Variants in PTGER3 observed in about 807,000 individuals in gnomAD.
PTGER3 encodes the protein prostaglandin E receptor 3, also known as prostaglandin E2 receptor EP3 subtype.
PTGER3 carries 22 observed loss-of-function variants against 34.7 expected under a neutral mutation model. The observed-to-expected ratio is 0.63, with a 90% CI of 0.45 to 0.91. The LOEUF (loss-of-function observed/expected upper bound fraction) is 0.91. Among genes scored for constraint, PTGER3 ranks in the 40% least tolerant of loss-of-function variants. PTGER3 has a pLI of 0.00. For synonymous variants in PTGER3, 241 were observed against 230.1 expected (o/e 1.05, Z -0.43); for missense variants, 468 against 519.4 (o/e 0.90, Z 0.96).
At chr1:70,929,022 C>A (rs1183403808) in intron 4 of PTGER3, among the ~76,000 whole-genome samples, 4 of 152,190 alleles carry the variant, frequency 2.6e-5, no homozygotes, top group Non-Finnish European at 5.9e-5. Context: ...TCCTCCAGAT[C>A]AGAGATTTTT....
At chr1:70,945,216 C>T (rs902767650) in intron 4 of PTGER3, among the ~76,000 whole-genome samples, 4 of 152,086 alleles carry the variant, frequency 2.6e-5, no homozygotes, top group Admixed American at 6.6e-5. Flanking sequence ...AACATGGCCT[C>T]TTCAAACTTG....
chr1:70,899,401 G>A (rs1363173360), intron 4 of PTGER3, among the ~76,000 whole-genome samples: 3 of 152,144 alleles, frequency 2.0e-5, no homozygotes, highest in Non-Finnish European at 2.9e-5. Flanking sequence ...CACCCAGACT[G>A]AGTCTCAAAG....
chr1:70,950,387 G>T (rs1650642331), downstream of PTGER3, among the ~76,000 whole-genome samples: 3 of 152,130 alleles, frequency 2.0e-5, no homozygotes, highest in African/African-American at 7.2e-5. Context: ...AAATAATTCA[G>T]GCAACTGATT....
chr1:71,026,872 A>G (rs889619071), intron 1 of PTGER3, among the ~76,000 whole-genome samples: 6 of 152,140 alleles, frequency 3.9e-5, no homozygotes, highest in African/African-American at 1.4e-4. Flanking sequence ...CAAAGTAAAT[A>G]ATAAGAACAA....
downstream of PTGER3, among the ~76,000 whole-genome samples, chr1:70,967,290 C>T (rs1189318507): frequency 6.6e-6 from 1 of 151,928 alleles, no homozygotes; most frequent in African/African-American, 2.4e-5. Flanking sequence ...TCTGGTCCAC[C>T]GAGACTATTC....
chr1:70,977,109 T>G (rs1204690943), intron 2 of PTGER3, among the ~76,000 whole-genome samples: 1 of 152,160 alleles, frequency 6.6e-6, no homozygotes, highest in Non-Finnish European at 1.5e-5. Context: ...TTTAACTGCG[T>G]ATTTGGAGGG....
At chr1:70,960,252 A>G (rs1487803888) in intron 2 of PTGER3, among the ~76,000 whole-genome samples, 1 of 152,152 alleles carries the variant, frequency 6.6e-6, no homozygotes, top group African/African-American at 2.4e-5. Flanking sequence ...CATGATGTCA[A>G]CCCTAAGAAA....
At chr1:71,018,203 G>C (rs1193693665) in intron 1 of PTGER3, among the ~76,000 whole-genome samples, 1 of 152,120 alleles carries the variant, frequency 6.6e-6, no homozygotes, top group Non-Finnish European at 1.5e-5. Flanking sequence ...TAGAAGGAAT[G>C]AGCTTGAAAA....
chr1:70,904,541 C>A (rs574639004), intron 4 of PTGER3, among the ~76,000 whole-genome samples: 1 of 152,144 alleles, frequency 6.6e-6, no homozygotes, highest in African/African-American at 2.4e-5. Flanking sequence ...AGATGAGGAA[C>A]TTTTTGGGAA....
At chr1:70,948,296 G>A (rs144600197), downstream of PTGER3, among the ~76,000 whole-genome samples, 1,096 of 152,076 alleles carry the variant, frequency 7.2e-3, 14 homozygotes, top group African/African-American at 0.025. Flanking sequence ...AGTGAGTGAG[G>A]TCTCATGAGA....
intron 4 of PTGER3, among the ~76,000 whole-genome samples, chr1:70,890,064 A>T (rs971093041): frequency 6.6e-6 from 1 of 152,126 alleles, no homozygotes; most frequent in Admixed American, 6.5e-5. Flanking sequence ...TACCACTTCA[A>T]TTCAGCTCAA....
At chr1:70,974,950 C>A (rs1653534702) in intron 2 of PTGER3, among the ~76,000 whole-genome samples, 1 of 152,144 alleles carries the variant, frequency 6.6e-6, no homozygotes, top group Non-Finnish European at 1.5e-5. Flanking sequence ...CAGTATGCTT[C>A]CATTTCTTCA....
At chr1:70,921,575 G>A (rs1365109322) in intron 4 of PTGER3, among the ~76,000 whole-genome samples, 2 of 151,954 alleles carry the variant, frequency 1.3e-5, no homozygotes, top group East Asian at 3.9e-4. Context: ...ATGGGCTTAG[G>A]ACACCCCTAA....
chr1:71,000,653 G>C (rs1245755075), intron 2 of PTGER3, among the ~76,000 whole-genome samples: 1 of 152,150 alleles, frequency 6.6e-6, no homozygotes, highest in African/African-American at 2.4e-5. Context: ...CCAGAAAAAT[G>C]TTAGACTCCC....
intron 2 of PTGER3, among the ~76,000 whole-genome samples, chr1:70,993,245 G>T (rs1369403821): frequency 2.0e-5 from 3 of 152,194 alleles, no homozygotes; most frequent in African/African-American, 7.2e-5. Flanking sequence ...GAAAGCAGAT[G>T]TATCACAGAT....
At chr1:71,019,417 G>A (rs542615061) in intron 1 of PTGER3, among the ~76,000 whole-genome samples, 5 of 152,240 alleles carry the variant, frequency 3.3e-5, no homozygotes, top group African/African-American at 4.8e-5. Context: ...TGGGTTCCAC[G>A]TGACTCTCCC....
At chr1:70,910,984 G>A (rs1434901179) in intron 4 of PTGER3, among the ~76,000 whole-genome samples, 1 of 151,958 alleles carries the variant, frequency 6.6e-6, no homozygotes, top group Non-Finnish European at 1.5e-5. Context: ...GGAGGCTGAG[G>A]GAGGAGAATC....
chr1:71,010,781 T>C, intron 2 of PTGER3: 2 of 985,236 alleles, frequency 2.0e-6, no homozygotes, highest in Non-Finnish European at 2.4e-6. Context: ...GTCTCCAAAT[T>C]CAATTTGACA....
chr1:70,936,044 C>T lies in PTGER3; in HGVS notation c.*23+17719G>A, dbSNP rs192990364. On this transcript the variant is annotated intron_variant, in intron 4 of 4. Coordinates refer to the PTGER3 transcript ENST00000370931. ...AACAAGTTTCTAGAAGTATGAAAAA[C>T]ATCTAGTATGAGAAAAGGACATCAC... Among the ~76,000 whole-genome samples, 116 of 152,160 alleles carry T rather than the reference C, an allele frequency of 7.6e-4. 1 individual carries two copies. The highest frequency in any genetic ancestry group is 2.6e-3 in the African/African-American group (108 of 41,526).
Sources: allele counts gnomAD v4.1 joint callset (sites outside exome capture counted in the v4.1 genomes callset), GRCh38; gene constraint gnomAD v4.1.1; transcripts MANE v1.5; gene names NCBI Gene and HGNC (gene_info 2026-07-23, HGNC 2026-07-21).